Variants in ANKS1B observed in about 807,000 individuals in gnomAD.
The protein encoded by ANKS1B is ankyrin repeat and sterile alpha motif domain containing 1B.
In ANKS1B, 36 loss-of-function variants were observed where a neutral mutation model predicts 148.3. That is an observed-to-expected ratio of 0.24 (90% CI 0.19 to 0.32). The LOEUF (loss-of-function observed/expected upper bound fraction) is 0.32. Ranked by LOEUF, ANKS1B falls within the 10% of genes least tolerant of loss-of-function variation. The pLI, the probability that ANKS1B is intolerant of heterozygous loss-of-function variation, is 1.00. For missense variants in ANKS1B, 1,157 were observed against 1,542.6 expected, an observed-to-expected ratio of 0.75 and a Z score of 4.19; for synonymous variants, 542 against 560.8, an observed-to-expected ratio of 0.97 and a Z score of 0.47.
At chr12:99,735,228 G>A (rs2059506192) in intron 8 of ANKS1B, among the ~76,000 whole-genome samples, 1 of 152,020 alleles carries the variant, frequency 6.6e-6, no homozygotes, top group South Asian at 2.1e-4. Context: ...GCAAGAATAA[G>A]CCAAATCCCA....
At chr12:98,879,538 C>A (rs2099701019) in intron 17 of ANKS1B, among the ~76,000 whole-genome samples, 1 of 152,062 alleles carries the variant, frequency 6.6e-6, no homozygotes, top group Non-Finnish European at 1.5e-5. Flanking sequence ...AAAAGTTAAC[C>A]TTTTTGTTTT....
At chr12:99,786,544 A>G (rs763727156) in intron 4 of ANKS1B, among the ~76,000 whole-genome samples, 12 of 152,240 alleles carry the variant, frequency 7.9e-5, no homozygotes, top group Non-Finnish European at 1.8e-4. Flanking sequence ...ATGTCTAACT[A>G]GGTCTTAGTT....
chr12:99,138,201 T>G (rs191684749), intron 15 of ANKS1B, among the ~76,000 whole-genome samples: 1 of 152,328 alleles, frequency 6.6e-6, no homozygotes, highest in East Asian at 1.9e-4. Flanking sequence ...TGATGGGTTT[T>G]CTTGGCAGTG....
At chr12:98,991,966 GATAATA>G (rs1263924949) in intron 17 of ANKS1B, among the ~76,000 whole-genome samples, 7 of 152,142 alleles carry the variant, frequency 4.6e-5, no homozygotes, top group African/African-American at 1.7e-4. Context: ...ATATGAAAAA[GATAATA>G]ATAGAAGACA....
intron 1 of ANKS1B, among the ~76,000 whole-genome samples, chr12:99,940,062 T>C (rs1315730374): frequency 6.6e-6 from 1 of 152,212 alleles, no homozygotes; most frequent in African/African-American, 2.4e-5. Flanking sequence ...AAATCATTCT[T>C]ATAACATTAG....
intron 9 of ANKS1B, 107 bp from the exon 10 acceptor site, chr12:99,504,748 T>C (rs2096689777): frequency 3.8e-6 from 3 of 783,354 alleles, no homozygotes; most frequent in South Asian, 4.4e-5. Flanking sequence ...TCCAAAGTGA[T>C]TGACAGCTGA....
At position 98,964,342 on chromosome 12, in the gene ANKS1B, G is replaced by A. The variant is rs569293050; in HGVS notation, c.2778+88815C>T. Among the ~76,000 whole-genome samples the A allele has an allele frequency of 2.0e-5, 3 of 152,342 alleles. No homozygotes were observed. The East Asian group carries it at 5.8e-4, about 29-fold the overall frequency. ...GGAGAAAAGGGAACTCTCGTACACT[G>A]TTGGTGGGAATGTAAGTTGGTACAA... On this transcript the variant is annotated intron_variant, in intron 17 of 26. Coordinates refer to ENST00000683438, the MANE Select transcript of ANKS1B (RefSeq NM_001352186.2).
At chr12:99,170,061 T>C (rs1395060707) in intron 14 of ANKS1B, among the ~76,000 whole-genome samples, 1 of 152,228 alleles carries the variant, frequency 6.6e-6, no homozygotes, top group Non-Finnish European at 1.5e-5. Context: ...TCTTGGCTTC[T>C]AATGTGAAAA....
chr12:98,895,887 TC>T (rs1252897597), intron 17 of ANKS1B, among the ~76,000 whole-genome samples: 1 of 152,228 alleles, frequency 6.6e-6, no homozygotes, highest in Non-Finnish European at 1.5e-5. Flanking sequence ...CCCATTTTTT[TC>T]CCCTTGCCAT....
chr12:99,898,098 T>C (rs1435784633), intron 1 of ANKS1B, among the ~76,000 whole-genome samples: 4 of 152,182 alleles, frequency 2.6e-5, no homozygotes, highest in Non-Finnish European at 4.4e-5. Context: ...TAAACAAATA[T>C]TTGCTATTAT....
At position 99,779,863 on chromosome 12, in the gene ANKS1B, C is replaced by G; in HGVS notation, c.847+8G>C. On this transcript the variant is annotated splice_region_variant and intron_variant, in intron 6 of 26. Transcript: ENST00000683438. ...AGGCAAACTCATCCATCATTCAATA[C>G]TGTTTACCTTGTAAGAGTGTTGCAA... 6.3e-7 allele frequency: 1 copy of G among 1,597,896 alleles called. No individual in the cohort carries two copies. Among genetic ancestry groups the G allele is most frequent in the Non-Finnish European group, 8.6e-7 (1 of 1,165,696 alleles).
At chr12:99,155,031 T>A (rs1205937972) in intron 14 of ANKS1B, 1 of 1,535,312 alleles carries the variant, frequency 6.5e-7, no homozygotes, top group African/African-American at 1.4e-5. Flanking sequence ...AATAGCAAGA[T>A]TCAAAAGCAA....
intron 20 of ANKS1B, among the ~76,000 whole-genome samples, chr12:98,806,300 C>G (rs975712896): frequency 6.6e-6 from 1 of 152,100 alleles, no homozygotes; most frequent in Non-Finnish European, 1.5e-5. Flanking sequence ...TTGTATTATT[C>G]TTTAAAATTT....
At chr12:99,174,899 AAAT>A (rs1367282261) in intron 14 of ANKS1B, among the ~76,000 whole-genome samples, 1 of 152,176 alleles carries the variant, frequency 6.6e-6, no homozygotes, top group Admixed American at 6.5e-5. Flanking sequence ...TTTGTCTTGC[AAAT>A]AATATTTTAT....
At chr12:99,097,425 G>A (rs142210056) in intron 15 of ANKS1B, 11 of 151,988 alleles carry the variant, frequency 7.2e-5, no homozygotes, top group Non-Finnish European at 1.2e-4. Context: ...CATATGGCTC[G>A]AAAATATTTC....
intron 14 of ANKS1B, among the ~76,000 whole-genome samples, chr12:99,195,170 T>C (rs1256014039): frequency 6.6e-6 from 1 of 152,160 alleles, no homozygotes; most frequent in African/African-American, 2.4e-5. Context: ...ATATATTAGA[T>C]GGTGGAATCA....
At chr12:99,419,059 A>G (rs1434975789) in intron 11 of ANKS1B, among the ~76,000 whole-genome samples, 1 of 152,148 alleles carries the variant, frequency 6.6e-6, no homozygotes, top group South Asian at 2.1e-4. Flanking sequence ...TTTTTTGTCT[A>G]TATTCATGAG....
At chr12:99,919,323 A>T (rs1294030128) in intron 1 of ANKS1B, among the ~76,000 whole-genome samples, 1 of 152,174 alleles carries the variant, frequency 6.6e-6, no homozygotes, top group Admixed American at 6.5e-5. Flanking sequence ...AAAAGATTGA[A>T]GTATGCAAAG....
At chr12:99,546,559 C>T (rs565952251) in intron 9 of ANKS1B, among the ~76,000 whole-genome samples, 54 of 151,984 alleles carry the variant, frequency 3.6e-4, no homozygotes, top group Non-Finnish European at 6.8e-4. Flanking sequence ...GGCTGCAGAG[C>T]GAAGAAAATG....
Sources: allele counts gnomAD v4.1 joint callset (sites outside exome capture counted in the v4.1 genomes callset), GRCh38; gene constraint gnomAD v4.1.1; transcripts MANE v1.5; gene names NCBI Gene and HGNC (gene_info 2026-07-23, HGNC 2026-07-21).